Variants in CLHC1 observed in about 807,000 individuals in gnomAD.
CLHC1 encodes clathrin heavy chain linker domain-containing protein 1.
Under a neutral mutation model 69.5 loss-of-function variants are expected in CLHC1, and 72 were observed. That is an observed-to-expected ratio of 1.04 (90% confidence interval 0.86 to 1.26). The LOEUF (loss-of-function observed/expected upper bound fraction) is 1.26. CLHC1 is among the 50% of genes most tolerant of loss of function. The pLI is 0.00. For missense variants in CLHC1, 790 were observed against 679.3 expected (o/e 1.16, Z -1.81); for synonymous variants, 223 against 224.3 (o/e 0.99, Z 0.05).
At chr2:55,229,930 G>A (rs1675103766) in intron 1 of CLHC1, among the ~76,000 whole-genome samples, 1 of 152,158 alleles carries the variant, frequency 6.6e-6, no homozygotes, top group South Asian at 2.1e-4. Context: ...AAAATTAGCT[G>A]GGCGTGGTGG....
Position 55,181,653 on chromosome 2 carries a change from A to C in CLHC1, c.1098T>G (p.Asp366Glu), listed in dbSNP as rs1669946178. The change falls in exon 10 of 13, where the codon GAT becomes GAG. Residue 366 changes from aspartate to glutamate, a missense_variant. By Grantham distance (45) the Asp-to-Glu change is conservative. Coordinates refer to ENST00000401408, the MANE Select transcript of CLHC1 (RefSeq NM_152385.4). ...ITSHAFPCPV[D>E]AALTLEGIKC... ...TGATTCCTTCCAGGGTTAGAGCTGC[A>C]TCAACAGGACATGGAAAAGCATGAC... 6.2e-7 allele frequency: 1 copy of C among 1,613,840 alleles called. No individual in the cohort carries two copies. The highest frequency in any genetic ancestry group is 8.5e-7 in the Non-Finnish European group (1 of 1,179,772).
intron 9 of CLHC1, among the ~76,000 whole-genome samples, chr2:55,194,434 T>G (rs1051494761): frequency 1.3e-5 from 2 of 151,952 alleles, no homozygotes. Context: ...GAAAAACCTA[T>G]AGCTAATAAT....
At chr2:55,222,137 A>G (rs982981149) in intron 3 of CLHC1, 98 bp downstream of exon 3, 3 of 806,236 alleles carry the variant, frequency 3.7e-6, no homozygotes, top group Non-Finnish European at 6.0e-6. Context: ...GAATGTTATC[A>G]TTCAAACAGT....
At chr2:55,193,874 T>C (rs906594231) in intron 9 of CLHC1, among the ~76,000 whole-genome samples, 1 of 152,184 alleles carries the variant, frequency 6.6e-6, no homozygotes, top group Non-Finnish European at 1.5e-5. Flanking sequence ...AAAAGCCCAA[T>C]GACCATCAAC....
intron 11 of CLHC1, among the ~76,000 whole-genome samples, chr2:55,179,791 A>G: frequency 6.6e-6 from 1 of 152,140 alleles, no homozygotes; most frequent in African/African-American, 2.4e-5. Context: ...TTACTGTTCA[A>G]TTGTGTTTTA....
At chr2:55,213,604 A>G (rs1351186383) in intron 4 of CLHC1, among the ~76,000 whole-genome samples, 1 of 115,414 alleles carries the variant, frequency 8.7e-6, no homozygotes, top group Non-Finnish European at 2.0e-5. Context: ...CCTGAGATAA[A>G]ACTAAGTTTA....
chr2:55,212,808 T>C lies in CLHC1; in HGVS notation c.366-2A>G, dbSNP rs147956825. On this transcript the variant is annotated splice_acceptor_variant, in intron 4 of 12. Coordinates refer to ENST00000401408, the MANE Select transcript of CLHC1 (RefSeq NM_152385.4). LOFTEE classifies it high-confidence loss of function. ...GAATTACTTTCGATAATCCTCATTC[T>C]GGAAAACAGAAAGGCTTTCTTATGT... The C allele has an allele frequency of 3.5e-5, 56 of 1,599,918 alleles. No individual in the cohort carries two copies. The highest frequency in any genetic ancestry group is 4.7e-5 in the Non-Finnish European group (55 of 1,167,772).
At chr2:55,193,970 A>G (rs1399457172) in intron 9 of CLHC1, among the ~76,000 whole-genome samples, 1 of 152,202 alleles carries the variant, frequency 6.6e-6, no homozygotes, top group Non-Finnish European at 1.5e-5. Flanking sequence ...CTACAGCATG[A>G]ACAAACCTCA....
intron 5 of CLHC1, 80 bp downstream of exon 5, chr2:55,212,593 C>T (rs1361160117): frequency 4.4e-6 from 5 of 1,124,138 alleles, no homozygotes; most frequent in Non-Finnish European, 1.3e-6. Flanking sequence ...TACATCAGCA[C>T]ATTTATATTA....
chr2:55,205,986 G>C (rs1171130819), intron 9 of CLHC1, among the ~76,000 whole-genome samples: 1 of 152,098 alleles, frequency 6.6e-6, no homozygotes, highest in Non-Finnish European at 1.5e-5. Context: ...GTTTTAAAAG[G>C]ATGTGGAGCA....
intron 2 of CLHC1, among the ~76,000 whole-genome samples, 183 bp from the exon 3 acceptor site, chr2:55,222,676 T>C (rs949682288): frequency 1.3e-5 from 2 of 152,102 alleles, no homozygotes; most frequent in South Asian, 4.1e-4. Flanking sequence ...TCCCAGCTCT[T>C]TGGGAGGCCG....
intron 11 of CLHC1, among the ~76,000 whole-genome samples, chr2:55,179,164 T>C (rs1669680305): frequency 6.6e-6 from 1 of 151,966 alleles, no homozygotes; most frequent in Admixed American, 6.6e-5. Context: ...TATGGAAAAA[T>C]AATAGTTAAC....
rs547976759 is a variant in CLHC1, at chr2:55,176,327, A to T, written c.1565-341T>A. ...CTCAGAAAGTGATGAATGTGGGCTC[A>T]TCCTTATTCACAGAGTCTATAAGGC... On this transcript the variant is annotated intron_variant, in intron 12 of 12. Transcript: ENST00000401408. Among the ~76,000 whole-genome samples, 50 of 152,318 alleles carry T rather than the reference A, an allele frequency of 3.3e-4. No individual in the cohort carries two copies. The Middle Eastern group carries it at 0.017, about 52-fold the overall frequency.
intron 11 of CLHC1, among the ~76,000 whole-genome samples, chr2:55,179,716 C>G (rs1669731570): frequency 6.6e-6 from 1 of 152,250 alleles, no homozygotes; most frequent in African/African-American, 2.4e-5. Flanking sequence ...GAGCTCTGCT[C>G]TTCCAACTAG....
At position 55,175,960 on chromosome 2, in the gene CLHC1, C is replaced by A. The variant is rs1485737386; in HGVS notation, c.1591G>T (p.Asp531Tyr). ...IDAVESLMIN[D>Y]SFCSIEKWQE... ...CACTTTTCTATGGAGCAAAAGGAAT[C>A]ATTTATCATAAGACTTTCTACTGCA... The change falls in exon 13 of 13, where the codon GAT becomes TAT. Residue 531 changes from aspartate (D) to tyrosine (Y), a missense_variant. Physicochemically the swap from Asp to Tyr is radical, Grantham distance 160 (BLOSUM62 -3). Transcript: ENST00000401408. 3 of 1,613,694 alleles carry A rather than the reference C, an allele frequency of 1.9e-6. No individual in the cohort carries two copies. The highest frequency in any genetic ancestry group is 1.7e-5 in the Admixed American group (1 of 59,980).
In CLHC1 at chr2:55,175,919, ATTTGCCACTTCTTGCCAC is replaced by A. The variant is rs1301266732; in HGVS notation, c.1614_1631del (p.Lys538_Ala543del). On this transcript the variant is annotated inframe_deletion, in exon 13 of 13. Transcript: ENST00000401408. ...TGTCAAAGCCATTCTGTGAACATATATTTGCCACTTCTTGCCACTTTTCTATGGAGCAAAAGGAATCAT... is the reference window on the plus strand; with the variant it reads ...TGTCAAAGCCATTCTGTGAACATATATTTTCTATGGAGCAAAAGGAATCAT... 63 of 1,613,932 alleles carry A rather than the reference ATTTGCCACTTCTTGCCAC, an allele frequency of 3.9e-5. No homozygotes were observed. The highest frequency in any genetic ancestry group is 5.3e-5 in the Non-Finnish European group (63 of 1,179,942).
intron 4 of CLHC1, among the ~76,000 whole-genome samples, chr2:55,217,554 T>TAA (rs1558508555): frequency 4.5e-5 from 1 of 22,150 alleles, no homozygotes; most frequent in Non-Finnish European, 7.0e-5. Flanking sequence ...AAAAAAAAAA[T>TAA]ATATATATAT....
At chr2:55,232,491 C>G, upstream of CLHC1, 2 of 426,044 alleles carry the variant, frequency 4.7e-6, no homozygotes, top group South Asian at 4.6e-5. Context: ...CTTAAACCTA[C>G]AGTTTCGAAA....
chr2:55,190,051 C>CT (rs566099094), intron 9 of CLHC1, among the ~76,000 whole-genome samples: 193 of 147,004 alleles, frequency 1.3e-3, no homozygotes, highest in Middle Eastern at 0.011. Context: ...AGGTAAAATT[C>CT]TTTTTTTTTT....
Sources: gnomAD v4.1 joint callset for allele counts (sites outside exome capture counted in the v4.1 genomes callset) on GRCh38, gnomAD v4.1.1 for gene constraint, MANE v1.5 for transcripts, NCBI Gene and HGNC (gene_info 2026-07-23, HGNC 2026-07-21) for gene names.